Variants in MBTPS1 observed in about 807,000 individuals in gnomAD.
The protein encoded by MBTPS1 is membrane bound transcription factor peptidase, site 1, also known as membrane-bound transcription factor site-1 protease.
A neutral mutation model predicts 127.8 loss-of-function variants in MBTPS1; 94 were observed. The ratio of observed to expected loss-of-function variants is 0.74; its 90% CI spans 0.62 to 0.87. The LOEUF is 0.87. Among genes scored for constraint, MBTPS1 ranks in the 40% least tolerant of loss-of-function variants. The pLI is 0.00. For synonymous variants in MBTPS1, 632 were observed against 509.4 expected (o/e 1.24, Z -3.24); for missense variants, 1,636 against 1,353.2 (o/e 1.21, Z -3.28).
intron 9 of MBTPS1, chr16:84,085,926 A>G (rs1202306127): frequency 6.6e-6 from 1 of 152,244 alleles, no homozygotes; most frequent in South Asian, 2.1e-4. Flanking sequence ...AAACGGTTGT[A>G]AAAGAGGAAA....
At chr16:84,078,097 ACG>A (rs1449908083) in intron 11 of MBTPS1, among the ~76,000 whole-genome samples, 8 of 80,694 alleles carry the variant, frequency 9.9e-5, no homozygotes, top group Admixed American at 7.1e-4. Context: ...ACCGGCACTC[ACG>A]CACACTGCTC....
chr16:84,101,693 CAA>C lies in MBTPS1; in HGVS notation c.89_90del (p.Phe30Ter), dbSNP rs2086258741. ...HLGDRLEKKSFEKAPCPGCSH... is the reference protein window; with the variant it reads ...HLGDRLEKKSXEKAPCPGCSH... Reference sequence around the variant, plus strand: ...GAACAGCCAGGGCATGGGGCCTTTTCAAAAGATTTCTTTTCCAGTCTGTCGCC... The same window carrying C: ...GAACAGCCAGGGCATGGGGCCTTTTCAAGATTTCTTTTCCAGTCTGTCGCC... On this transcript the variant is annotated frameshift_variant, in exon 2 of 23. Transcript: ENST00000343411. LOFTEE classifies it high-confidence loss of function. 1 of 1,614,036 alleles carries C rather than the reference CAA, an allele frequency of 6.2e-7. No individual in the cohort carries two copies. Among genetic ancestry groups the C allele is most frequent in the Non-Finnish European group, 8.5e-7 (1 of 1,180,028 alleles).
At chr16:84,116,625 C>A (rs574527847) in intron 1 of MBTPS1, 110 bp downstream of exon 1, 20 of 152,264 alleles carry the variant, frequency 1.3e-4, no homozygotes, top group African/African-American at 4.3e-4. Flanking sequence ...CGGCCCGGCC[C>A]CCGCAGCCCT....
rs781326302 is a variant in MBTPS1, at chr16:84,091,789, GT to G, written c.905del (p.Asp302AlafsTer3). ...AFNYAILKKI[D>X]VLNLSIGGPD... The stretch of plus-strand genomic sequence containing the variant: ...GGCCGCCGATGCTGAGGTTTAACAC[GT>G]CGATCTTCTTTAAAATGGCATAGTT... On this transcript the variant is annotated frameshift_variant, in exon 7 of 23. Transcript: ENST00000343411. LOFTEE classifies it high-confidence loss of function. 6.2e-7 allele frequency: 1 copy of G among 1,614,114 alleles called. No individual in the cohort carries two copies. Among genetic ancestry groups the G allele is most frequent in the Non-Finnish European group, 8.5e-7 (1 of 1,180,000 alleles).
intron 8 of MBTPS1, 85 bp from the exon 9 acceptor site, chr16:84,087,545 GC>G: frequency 2.3e-6 from 2 of 861,528 alleles, no homozygotes; most frequent in South Asian, 3.1e-5. Context: ...TCAAACCAGG[GC>G]GAATACTCCC....
intron 3 of MBTPS1, among the ~76,000 whole-genome samples, chr16:84,098,681 C>G (rs933223020): frequency 6.6e-6 from 1 of 152,032 alleles, no homozygotes; most frequent in African/African-American, 2.4e-5. Flanking sequence ...AAGGAAGAAG[C>G]AGACACAAGG....
At chr16:84,090,108 A>C (rs1003163995) in intron 8 of MBTPS1, among the ~76,000 whole-genome samples, 1 of 152,210 alleles carries the variant, frequency 6.6e-6, no homozygotes, top group Non-Finnish European at 1.5e-5. Context: ...TGCAAACATG[A>C]ACTTCACATA....
At chr16:84,071,331 G>A (rs561717324) in intron 12 of MBTPS1, among the ~76,000 whole-genome samples, 1 of 152,220 alleles carries the variant, frequency 6.6e-6, no homozygotes, top group East Asian at 1.9e-4. Flanking sequence ...CCATCTGGAA[G>A]AGACGTCAAT....
chr16:84,113,612 T>C (rs1386069559), intron 1 of MBTPS1, among the ~76,000 whole-genome samples: 1 of 152,206 alleles, frequency 6.6e-6, no homozygotes, highest in African/African-American at 2.4e-5. Context: ...TAAAAGAATA[T>C]CACAAAGATT....
chr16:84,060,757 G>C lies in MBTPS1; in HGVS notation c.2629C>G (p.Pro877Ala). 1 of 1,610,376 alleles carries C rather than the reference G, an allele frequency of 6.2e-7. No individual in the cohort carries two copies. Among genetic ancestry groups the C allele is most frequent in the Non-Finnish European group, 8.5e-7 (1 of 1,178,346 alleles). ...CGGTTCCCAGAGTGACTGAGGCTAG[G>C]CGGTGTCACCCCATACGATGTGTAC... ...LQYTSYGVTP[P>A]SLSHSGNRQR... The change falls in exon 20 of 23, where the codon CCT becomes GCT. Residue 877 changes from proline (P) to alanine (A), a missense_variant. Coordinates refer to ENST00000343411, the MANE Select transcript of MBTPS1 (RefSeq NM_003791.4).
At chr16:84,071,404 A>G (rs1207207193) in intron 12 of MBTPS1, among the ~76,000 whole-genome samples, 1 of 152,238 alleles carries the variant, frequency 6.6e-6, no homozygotes, top group Non-Finnish European at 1.5e-5. Context: ...TCCACAATCC[A>G]CACAGCCAGA....
At chr16:84,112,411 G>A (rs992546219) in intron 1 of MBTPS1, among the ~76,000 whole-genome samples, 1 of 152,062 alleles carries the variant, frequency 6.6e-6, no homozygotes, top group African/African-American at 2.4e-5. Flanking sequence ...TGTAATCCCG[G>A]CACTTTGGGA....
chr16:84,076,492 G>A (rs1052954791), intron 11 of MBTPS1, among the ~76,000 whole-genome samples: 39 of 152,190 alleles, frequency 2.6e-4, no homozygotes, highest in Non-Finnish European at 2.9e-5. Flanking sequence ...TGGCAAGGAA[G>A]ATGTAAAACT....
chr16:84,055,120 G>C (rs1304897901), intron 22 of MBTPS1, among the ~76,000 whole-genome samples: 1 of 152,260 alleles, frequency 6.6e-6, no homozygotes, highest in African/African-American at 2.4e-5. Context: ...AGCCCTTCAT[G>C]GAGGGGACGT....
chr16:84,083,583 A>C (rs994814035), intron 10 of MBTPS1, among the ~76,000 whole-genome samples: 5 of 152,108 alleles, frequency 3.3e-5, no homozygotes, highest in African/African-American at 1.2e-4. Flanking sequence ...GAGCTACCAC[A>C]ACCAGCCAAG....
chr16:84,113,578 G>C (rs561356562), intron 1 of MBTPS1, among the ~76,000 whole-genome samples: 8 of 152,336 alleles, frequency 5.3e-5, no homozygotes, highest in Non-Finnish European at 1.0e-4. Context: ...AGCTCTTGGA[G>C]TCTCCCACTT....
intron 21 of MBTPS1, among the ~76,000 whole-genome samples, chr16:84,058,484 G>A (rs2085553390): frequency 6.6e-6 from 1 of 152,212 alleles, no homozygotes; most frequent in South Asian, 2.1e-4. Flanking sequence ...GCTTGATGGG[G>A]TGGGAGGTGT....
At chr16:84,077,716 C>T (rs1481287910) in intron 11 of MBTPS1, among the ~76,000 whole-genome samples, 2 of 152,170 alleles carry the variant, frequency 1.3e-5, no homozygotes, top group African/African-American at 4.8e-5. Context: ...ACTCAAAATA[C>T]AGAGGCATCA....
intron 10 of MBTPS1, among the ~76,000 whole-genome samples, chr16:84,083,138 C>T (rs754467547): frequency 2.2e-4 from 33 of 152,210 alleles, no homozygotes; most frequent in Non-Finnish European, 4.3e-4. Flanking sequence ...ACAATCATGG[C>T]GTTTAGGAGA....
Sources: gnomAD v4.1 joint callset for allele counts (sites outside exome capture counted in the v4.1 genomes callset) on GRCh38, gnomAD v4.1.1 for gene constraint, MANE v1.5 for transcripts, NCBI Gene and HGNC (gene_info 2026-07-23, HGNC 2026-07-21) for gene names.